Variants in GOLGA1 observed in about 807,000 individuals in gnomAD.
GOLGA1 encodes the protein golgin A1.
In GOLGA1, 63 loss-of-function variants were observed where a neutral mutation model predicts 119.7. That is an observed-to-expected ratio of 0.53 (90% CI 0.43 to 0.65). The LOEUF (loss-of-function observed/expected upper bound fraction) is 0.65, where lower values mean the gene tolerates loss of function less well. Ranked by LOEUF, GOLGA1 falls within the 30% of genes least tolerant of loss-of-function variation. GOLGA1 has a pLI of 0.00. For synonymous variants in GOLGA1, 318 were observed against 333.4 expected, an observed-to-expected ratio of 0.95 and a Z score of 0.50; for missense variants, 798 against 912.8, an observed-to-expected ratio of 0.87 and a Z score of 1.62.
chr9:124,939,962 A>G (rs1387330750), intron 2 of GOLGA1, 144 bp downstream of exon 2: 9 of 152,204 alleles, frequency 5.9e-5, no homozygotes, highest in Admixed American at 5.9e-4. Context: ...TTCTGGTTCC[A>G]ACCTTAACTT....
At chr9:124,903,534 T>C (rs190327181) in intron 12 of GOLGA1, among the ~76,000 whole-genome samples, 80 of 150,774 alleles carry the variant, frequency 5.3e-4, no homozygotes, top group African/African-American at 1.9e-3. Context: ...GAACGGGGGC[T>C]CGTGCCTGCA....
chr9:124,909,355 C>T lies in GOLGA1; in HGVS notation c.970-883G>A, dbSNP rs1231578823. On this transcript the variant is annotated intron_variant, in intron 11 of 22. Transcript: ENST00000373555. ...GGGAGCGGTGGTTCACGCCTGTAAT[C>T]CCAGCACTTTGGGAAGCCGACGTGG... 2.0e-5 allele frequency among the ~76,000 whole-genome samples: 3 copies of T among 151,208 alleles called. No individual in the cohort carries two copies. The East Asian group carries it at 5.8e-4, about 29-fold the overall frequency.
chr9:124,928,567 T>C (rs898439420), intron 5 of GOLGA1, among the ~76,000 whole-genome samples: 1 of 152,196 alleles, frequency 6.6e-6, no homozygotes, highest in East Asian at 1.9e-4. Context: ...AATGGTACAA[T>C]GATAGAACAC....
At chr9:124,889,030 T>A in intron 18 of GOLGA1, 113 bp downstream of exon 18, 1 of 794,854 alleles carries the variant, frequency 1.3e-6, no homozygotes, top group Non-Finnish European at 2.0e-6. Context: ...GGACCCTACA[T>A]GCAGGGGAGC....
intron 4 of GOLGA1, among the ~76,000 whole-genome samples, chr9:124,930,406 A>G (rs1830751407): frequency 6.6e-6 from 1 of 152,168 alleles, no homozygotes; most frequent in African/African-American, 2.4e-5. Flanking sequence ...CAGCTCTACC[A>G]CTTACTACTT....
intron 10 of GOLGA1, among the ~76,000 whole-genome samples, chr9:124,920,597 A>G (rs909663158): frequency 2.0e-5 from 3 of 152,140 alleles, no homozygotes; most frequent in African/African-American, 4.8e-5. Flanking sequence ...CATGTCAGCC[A>G]CTATTGTATT....
chr9:124,938,449 A>C (rs1588101767), intron 3 of GOLGA1, 128 bp downstream of exon 3: 2 of 764,278 alleles, frequency 2.6e-6, no homozygotes, highest in East Asian at 5.2e-5. Context: ...CAGAGTAAGA[A>C]GAATCAGATG....
chr9:124,890,964 G>A (rs376095456), intron 15 of GOLGA1, among the ~76,000 whole-genome samples: 1 of 152,116 alleles, frequency 6.6e-6, no homozygotes, highest in African/African-American at 2.4e-5. Context: ...AGGCCATCCT[G>A]GGTAACACAG....
At chr9:124,935,960 G>A (rs545071300) in intron 3 of GOLGA1, among the ~76,000 whole-genome samples, 34 of 152,198 alleles carry the variant, frequency 2.2e-4, no homozygotes, top group Non-Finnish European at 4.9e-4. Context: ...TGCCACAGAG[G>A]AGGGATCTGT....
chr9:124,919,936 A>ATATTTATT (rs537511505), intron 10 of GOLGA1, among the ~76,000 whole-genome samples: 3 of 151,612 alleles, frequency 2.0e-5, no homozygotes, highest in East Asian at 1.9e-4. Flanking sequence ...TATTTTATTT[A>ATATTTATT]TATTTATTTA....
chr9:124,944,544 C>A (rs1231328956), upstream of GOLGA1: 1 of 144,544 alleles, frequency 6.9e-6, no homozygotes, highest in African/African-American at 2.6e-5. Context: ...GTCTCCAACT[C>A]CTGAGTAATA....
chr9:124,922,058 T>C (rs1229550845), intron 8 of GOLGA1, among the ~76,000 whole-genome samples, 166 bp from the exon 9 acceptor site: 1 of 151,326 alleles, frequency 6.6e-6, no homozygotes, highest in African/African-American at 2.4e-5. Context: ...CAAAACCCTA[T>C]CTCTACTAAA....
rs1010991761 is a variant in GOLGA1 at position 124,880,217 on chromosome 9, G to A, written c.*313C>T. 9 of 237,892 alleles carry A rather than the reference G, an allele frequency of 3.8e-5. No homozygotes were observed. Among genetic ancestry groups the A allele is most frequent in the Non-Finnish European group, 7.7e-5 (9 of 117,280 alleles). 14.7% of individuals were successfully genotyped at this position (237,892 alleles called of 1,614,324 possible). ...CTGCCAGATGCTGATGGCTTCAGCTGTAAGTGCTACCGTGAAGTTAGAGGA... is the reference window on the plus strand; with the variant it reads ...CTGCCAGATGCTGATGGCTTCAGCTATAAGTGCTACCGTGAAGTTAGAGGA... On this transcript the variant is annotated 3_prime_UTR_variant, in exon 23 of 23. Transcript: ENST00000373555.
chr9:124,908,095 T>C (rs1428530438), intron 12 of GOLGA1, among the ~76,000 whole-genome samples: 2 of 152,166 alleles, frequency 1.3e-5, no homozygotes, highest in East Asian at 3.8e-4. Flanking sequence ...CTACATATTT[T>C]AAAACAACCC....
chr9:124,904,626 T>A (rs1039215935), intron 12 of GOLGA1, among the ~76,000 whole-genome samples: 4 of 152,022 alleles, frequency 2.6e-5, no homozygotes, highest in Non-Finnish European at 5.9e-5. Context: ...CTGGCCAACA[T>A]GGTGAAACCC....
At chr9:124,884,617 C>T (rs1161952812) in intron 19 of GOLGA1, among the ~76,000 whole-genome samples, 2 of 152,136 alleles carry the variant, frequency 1.3e-5, no homozygotes, top group Admixed American at 6.5e-5. Context: ...ATGACTGAGT[C>T]AGAAGACCAC....
chr9:124,882,436 G>A (rs1285664173), intron 20 of GOLGA1, 74 bp downstream of exon 20: 1 of 1,083,508 alleles, frequency 9.2e-7, no homozygotes, highest in East Asian at 2.4e-5. Context: ...GGCGGCGAGG[G>A]ACCTCAGGAG....
intron 12 of GOLGA1, among the ~76,000 whole-genome samples, chr9:124,906,423 T>C: frequency 7.5e-6 from 1 of 134,222 alleles, no homozygotes. Context: ...AGAGTGAGAC[T>C]CTATCTCAAA....
chr9:124,879,445 G>A lies in GOLGA1; in HGVS notation c.*1085C>T, dbSNP rs1441974653. The A allele has an allele frequency of 2.0e-5, 3 of 152,018 alleles. No homozygotes were observed. The highest frequency in any genetic ancestry group is 2.9e-5 in the Non-Finnish European group (2 of 68,024). 9.4% of individuals were successfully genotyped at this position (152,018 alleles called of 1,614,324 possible). A position where few individuals can be genotyped will look rare whatever the true frequency, so the allele number is the denominator to read the frequency against. On this transcript the variant is annotated 3_prime_UTR_variant, in exon 23 of 23. Coordinates refer to ENST00000373555, the MANE Select transcript of GOLGA1 (RefSeq NM_002077.4). ...ATTTTAAGTATTTGGGGTGGGATGA[G>A]GGAGAGAGAGCAGCTCCACAGACAA...
Sources: allele counts gnomAD v4.1 joint callset (sites outside exome capture counted in the v4.1 genomes callset), GRCh38; gene constraint gnomAD v4.1.1; transcripts MANE v1.5; gene names NCBI Gene and HGNC (gene_info 2026-07-23, HGNC 2026-07-21).